The following PCSK2 variants were observed in gnomAD, a reference collection of about 807,000 sequenced individuals.
PCSK2 encodes the protein proprotein convertase subtilisin/kexin type 2.
A neutral mutation model predicts 69.7 loss-of-function variants in PCSK2; 14 were observed. The ratio of observed to expected loss-of-function variants is 0.20; its 90% CI spans 0.13 to 0.31. The LOEUF (loss-of-function observed/expected upper bound fraction) is 0.31, where lower values mean the gene tolerates loss of function less well. Among genes scored for constraint, PCSK2 ranks in the 10% least tolerant of loss-of-function variants. The probability of loss-of-function intolerance (pLI) is 1.00; values close to 1 mark genes in which losing one functional copy is unlikely to be tolerated. For synonymous variants in PCSK2, 307 were observed against 320.7 expected, an observed-to-expected ratio of 0.96 and a Z score of 0.46; for missense variants, 544 against 842.5, an observed-to-expected ratio of 0.65 and a Z score of 4.39.
At chr20:17,423,624 T>TTTTTGTACAA (rs1189192471) in intron 6 of PCSK2, among the ~76,000 whole-genome samples, 2 of 134,740 alleles carry the variant, frequency 1.5e-5, no homozygotes, top group African/African-American at 2.8e-5. Context: ...CTGGCTACAT[T>TTTTTGTACAA]AAAATTAAAC....
At chr20:17,364,028 C>T (rs571184362) in intron 4 of PCSK2, among the ~76,000 whole-genome samples, 2 of 152,022 alleles carry the variant, frequency 1.3e-5, no homozygotes, top group South Asian at 2.1e-4. Context: ...AGGAGATATA[C>T]CTAATGTTAA....
intron 8 of PCSK2, among the ~76,000 whole-genome samples, chr20:17,448,814 A>T (rs2032748013): frequency 6.6e-6 from 1 of 151,896 alleles, no homozygotes; most frequent in African/African-American, 2.4e-5. Flanking sequence ...AAACACTGTA[A>T]TCCCACTAAA....
intron 10 of PCSK2, 51 bp downstream of exon 10, chr20:17,456,499 C>T (rs372429064): frequency 2.8e-4 from 275 of 968,260 alleles, no homozygotes; most frequent in African/African-American, 8.1e-4. Context: ...TGGACTAACA[C>T]GTGTCTCTCT....
At chr20:17,261,861 A>T (rs1225059416) in intron 2 of PCSK2, among the ~76,000 whole-genome samples, 1 of 152,216 alleles carries the variant, frequency 6.6e-6, no homozygotes, top group Non-Finnish European at 1.5e-5. Flanking sequence ...GTATTTTCTT[A>T]AAAGTCCCAT....
chr20:17,267,299 G>A (rs1371396682), intron 2 of PCSK2, among the ~76,000 whole-genome samples: 5 of 152,212 alleles, frequency 3.3e-5, no homozygotes, highest in African/African-American at 1.2e-4. Context: ...AACATGCCAA[G>A]AGGTCAGCGG....
intron 1 of PCSK2, among the ~76,000 whole-genome samples, chr20:17,240,224 C>T (rs1185972736): frequency 6.6e-6 from 1 of 151,828 alleles, no homozygotes; most frequent in Non-Finnish European, 1.5e-5. Flanking sequence ...AGTCACATGG[C>T]CAAGTTTAGA....
chr20:17,385,639 T>C (rs554708586), intron 5 of PCSK2, among the ~76,000 whole-genome samples: 5 of 152,322 alleles, frequency 3.3e-5, no homozygotes, highest in African/African-American at 1.2e-4. Context: ...TCATTTACTG[T>C]CTTAGCTGGG....
intron 3 of PCSK2, among the ~76,000 whole-genome samples, chr20:17,358,933 A>T (rs2030299792): frequency 1.3e-5 from 2 of 152,220 alleles, no homozygotes; most frequent in Non-Finnish European, 2.9e-5. Context: ...ATGGCAGGAA[A>T]TCAATTCCAT....
rs2104 is a variant in PCSK2 at position 17,406,291 on chromosome 20, T to C, written c.544-2972T>C. Among the ~76,000 whole-genome samples, 662 of 152,310 alleles carry C rather than the reference T, an allele frequency of 4.3e-3. 1 individual carries two copies. Among genetic ancestry groups the C allele is most frequent in the Non-Finnish European group, 7.3e-3 (500 of 68,030 alleles). ...AAACAGAACGCTTGCAAAATATGGTTCCTCCTTGCTAGAAACCATTTGATT... is the reference window on the plus strand; with the variant it reads ...AAACAGAACGCTTGCAAAATATGGTCCCTCCTTGCTAGAAACCATTTGATT... On this transcript the variant is annotated intron_variant, in intron 5 of 11. Coordinates refer to ENST00000262545, the MANE Select transcript of PCSK2 (RefSeq NM_002594.5).
At chr20:17,451,391 T>C (rs576683273) in intron 8 of PCSK2, among the ~76,000 whole-genome samples, 54 of 152,286 alleles carry the variant, frequency 3.5e-4, no homozygotes, top group African/African-American at 1.2e-3. Context: ...GAGAGTGAGT[T>C]AGAGACTGAC....
At chr20:17,344,864 T>G (rs1219805981) in intron 2 of PCSK2, among the ~76,000 whole-genome samples, 2 of 152,216 alleles carry the variant, frequency 1.3e-5, no homozygotes, top group Non-Finnish European at 2.9e-5. Flanking sequence ...GATCCTTTGC[T>G]GTTGATTTCA....
intron 1 of PCSK2, among the ~76,000 whole-genome samples, chr20:17,251,543 A>G (rs1311610834): frequency 6.6e-6 from 1 of 152,216 alleles, no homozygotes; most frequent in Non-Finnish European, 1.5e-5. Context: ...GTCCCTTGAG[A>G]GCCTTTATCT....
intron 1 of PCSK2, among the ~76,000 whole-genome samples, chr20:17,228,846 T>C (rs1417157774): frequency 1.3e-5 from 2 of 152,180 alleles, no homozygotes; most frequent in Non-Finnish European, 2.9e-5. Flanking sequence ...GAAGAGGCTC[T>C]GGGTCCGCCG....
intron 2 of PCSK2, among the ~76,000 whole-genome samples, chr20:17,298,803 C>T (rs1426106475): frequency 6.6e-6 from 1 of 152,106 alleles, no homozygotes; most frequent in Non-Finnish European, 1.5e-5. Flanking sequence ...TCACTGGAAG[C>T]AGATGAAGCT....
intron 2 of PCSK2, among the ~76,000 whole-genome samples, chr20:17,327,205 G>A (rs1990082811): frequency 6.6e-6 from 1 of 152,144 alleles, no homozygotes; most frequent in Admixed American, 6.5e-5. Flanking sequence ...CTCAAAGAAG[G>A]TATCCTGAGA....
intron 5 of PCSK2, among the ~76,000 whole-genome samples, chr20:17,376,138 C>T (rs2030918345): frequency 6.6e-6 from 1 of 152,192 alleles, no homozygotes; most frequent in South Asian, 2.1e-4. Flanking sequence ...AGCTTCCCTG[C>T]TGCCACGGCC....
intron 2 of PCSK2, among the ~76,000 whole-genome samples, chr20:17,275,752 A>T (rs1477693257): frequency 6.6e-6 from 1 of 152,090 alleles, no homozygotes; most frequent in Non-Finnish European, 1.5e-5. Flanking sequence ...CTTGGTCTGG[A>T]AAAAGAGGAG....
chr20:17,300,154 C>G (rs1304836667), intron 2 of PCSK2, among the ~76,000 whole-genome samples: 1 of 152,204 alleles, frequency 6.6e-6, no homozygotes, highest in Middle Eastern at 3.2e-3. Flanking sequence ...GTCACAACAT[C>G]CAGCCTGACT....
At chr20:17,469,214 A>G (rs1017275410) in intron 11 of PCSK2, among the ~76,000 whole-genome samples, 12 of 152,336 alleles carry the variant, frequency 7.9e-5, no homozygotes, top group South Asian at 2.1e-4. Context: ...GTTGATTGAC[A>G]CAGTCAAGCC....
Sources: allele counts gnomAD v4.1 joint callset (sites outside exome capture counted in the v4.1 genomes callset), GRCh38; gene constraint gnomAD v4.1.1; transcripts MANE v1.5; gene names NCBI Gene and HGNC (gene_info 2026-07-23, HGNC 2026-07-21).